SEMA3C: variants seen among roughly 807,000 people sequenced by gnomAD.
SEMA3C encodes the protein semaphorin 3C.
A neutral mutation model predicts 89.4 loss-of-function variants in SEMA3C; 47 were observed. The observed-to-expected ratio is 0.53, with a 90% CI of 0.42 to 0.67. The LOEUF (loss-of-function observed/expected upper bound fraction) is 0.67. Ranked by LOEUF, SEMA3C falls within the 30% of genes least tolerant of loss-of-function variation. The pLI is 0.00. For missense variants in SEMA3C, 839 were observed against 929.1 expected, an observed-to-expected ratio of 0.90 and a Z score of 1.26; for synonymous variants, 310 against 320.2, an observed-to-expected ratio of 0.97 and a Z score of 0.34.
chr7:80,824,253 T>C (rs1350632389), intron 4 of SEMA3C, among the ~76,000 whole-genome samples: 2 of 152,126 alleles, frequency 1.3e-5, no homozygotes, highest in African/African-American at 4.8e-5. Context: ...CAGAAAGTTT[T>C]AGCTTAATGA....
intron 12 of SEMA3C, among the ~76,000 whole-genome samples, chr7:80,771,934 A>C (rs1788443908): frequency 6.6e-6 from 1 of 152,160 alleles, no homozygotes; most frequent in African/African-American, 2.4e-5. Context: ...TTAGGGGTAA[A>C]TTACTGCAAA....
chr7:80,858,731 T>C (rs774609838), intron 2 of SEMA3C, among the ~76,000 whole-genome samples: 11 of 152,164 alleles, frequency 7.2e-5, no homozygotes, highest in Non-Finnish European at 1.5e-4. Context: ...TCATTCAAAA[T>C]GCATACATAT....
intron 5 of SEMA3C, among the ~76,000 whole-genome samples, chr7:80,811,156 C>T (rs963483334): frequency 6.6e-6 from 1 of 151,950 alleles, no homozygotes; most frequent in South Asian, 2.1e-4. Context: ...AAGCATTGTA[C>T]AAGATTCAAC....
At chr7:80,911,180 T>C (rs950286386) in intron 2 of SEMA3C, among the ~76,000 whole-genome samples, 2 of 152,246 alleles carry the variant, frequency 1.3e-5, no homozygotes, top group Non-Finnish European at 2.9e-5. Flanking sequence ...TAGCATGACA[T>C]AGTTAACATG....
At chr7:80,846,772 T>A (rs1790400740) in intron 2 of SEMA3C, among the ~76,000 whole-genome samples, 2 of 152,220 alleles carry the variant, frequency 1.3e-5, no homozygotes. Flanking sequence ...TAATTGTAAT[T>A]ACATACATTT....
At chr7:80,763,268 T>C (rs1294758470) in intron 13 of SEMA3C, among the ~76,000 whole-genome samples, 1 of 152,138 alleles carries the variant, frequency 6.6e-6, no homozygotes, top group Middle Eastern at 3.2e-3. Flanking sequence ...CTAAGAAAAC[T>C]TTTCAATTTA....
chr7:80,920,620 G>C (rs1792390096), upstream of SEMA3C, among the ~76,000 whole-genome samples: 2 of 152,266 alleles, frequency 1.3e-5, no homozygotes, highest in South Asian at 4.1e-4. Context: ...GCAAATTTAT[G>C]AGTTCAAAAA....
chr7:80,804,085 C>T (rs369694516), intron 8 of SEMA3C, 21 bp downstream of exon 8: 42 of 1,562,098 alleles, frequency 2.7e-5, no homozygotes, highest in South Asian at 5.0e-5. Flanking sequence ...TTCTTCAAAT[C>T]GGAACAGCAT....
intron 11 of SEMA3C, among the ~76,000 whole-genome samples, chr7:80,794,054 T>C (rs1253818820): frequency 2.6e-5 from 4 of 152,090 alleles, no homozygotes; most frequent in Admixed American, 6.6e-5. Flanking sequence ...CTTGTGCTTA[T>C]GTATTAGCTG....
At chr7:80,869,995 T>C (rs572742374) in intron 2 of SEMA3C, among the ~76,000 whole-genome samples, 1 of 152,330 alleles carries the variant, frequency 6.6e-6, no homozygotes, top group South Asian at 2.1e-4. Context: ...ATCAAAAACT[T>C]CATGCTCAAA....
chr7:80,846,680 CT>C (rs1254522964), intron 2 of SEMA3C, among the ~76,000 whole-genome samples: 2 of 152,180 alleles, frequency 1.3e-5, no homozygotes, highest in Non-Finnish European at 2.9e-5. Flanking sequence ...TATATAAAGA[CT>C]GTCCTGATTC....
chr7:80,850,723 A>G (rs751266293), intron 2 of SEMA3C, among the ~76,000 whole-genome samples: 36 of 152,194 alleles, frequency 2.4e-4, no homozygotes, highest in Non-Finnish European at 4.4e-4. Flanking sequence ...ATACATACTG[A>G]AGATTTTTGT....
intron 2 of SEMA3C, among the ~76,000 whole-genome samples, chr7:80,870,014 G>A (rs1350148562): frequency 6.6e-6 from 1 of 152,128 alleles, no homozygotes; most frequent in Non-Finnish European, 1.5e-5. Flanking sequence ...AAAATGTTCA[G>A]TCTCTTTTTC....
chr7:80,853,518 G>T (rs1435492071), intron 2 of SEMA3C, among the ~76,000 whole-genome samples: 1 of 152,132 alleles, frequency 6.6e-6, no homozygotes, highest in East Asian at 1.9e-4. Context: ...ACCAGGCACA[G>T]AAACACAAAC....
At chr7:80,785,062 A>T (rs759891956) in intron 12 of SEMA3C, among the ~76,000 whole-genome samples, 8 of 152,046 alleles carry the variant, frequency 5.3e-5, no homozygotes, top group Admixed American at 1.3e-4. Flanking sequence ...AAATTAATTA[A>T]TAATTAATTT....
intron 2 of SEMA3C, among the ~76,000 whole-genome samples, chr7:80,855,022 T>C (rs1005676362): frequency 6.6e-6 from 1 of 152,204 alleles, no homozygotes; most frequent in Non-Finnish European, 1.5e-5. Context: ...TCAATTCTTT[T>C]ATTGATATTA....
chr7:80,780,320 C>A (rs1449710379), intron 12 of SEMA3C, among the ~76,000 whole-genome samples: 1 of 152,032 alleles, frequency 6.6e-6, no homozygotes, highest in East Asian at 1.9e-4. Context: ...GCAATAAGCT[C>A]AATAAATTCT....
intron 2 of SEMA3C, among the ~76,000 whole-genome samples, chr7:80,844,928 AATCTTTGT>A (rs1790353254): frequency 6.6e-6 from 1 of 152,156 alleles, no homozygotes; most frequent in African/African-American, 2.4e-5. Flanking sequence ...TGTCCTTCTA[AATCTTTGT>A]ATCTTTGTGA....
intron 5 of SEMA3C, among the ~76,000 whole-genome samples, chr7:80,818,042 C>T (rs150518966): frequency 2.7e-5 from 4 of 150,340 alleles, no homozygotes; most frequent in South Asian, 2.1e-4. Flanking sequence ...ATATAGTTGC[C>T]TCCAACTAAA....
Sources: gnomAD v4.1 joint callset for allele counts (sites outside exome capture counted in the v4.1 genomes callset) on GRCh38, gnomAD v4.1.1 for gene constraint, MANE v1.5 for transcripts, NCBI Gene and HGNC (gene_info 2026-07-23, HGNC 2026-07-21) for gene names.